EPB41L3: variants seen among roughly 807,000 people sequenced by gnomAD.
The protein encoded by EPB41L3 is band 4.1-like protein 3.
Under a neutral mutation model 127.1 loss-of-function variants are expected in EPB41L3, and 57 were observed. The ratio of observed to expected loss-of-function variants is 0.45; its 90% confidence interval spans 0.36 to 0.56. The LOEUF is 0.56. Among genes scored for constraint, EPB41L3 ranks in the 20% least tolerant of loss-of-function variants. The probability of loss-of-function intolerance (pLI) is 0.00; values close to 1 mark genes in which losing one functional copy is unlikely to be tolerated. For missense variants in EPB41L3, 1,273 were observed against 1,372.2 expected (o/e 0.93, Z 1.14); for synonymous variants, 572 against 549.5 (o/e 1.04, Z -0.57).
intron 3 of EPB41L3, among the ~76,000 whole-genome samples, chr18:5,569,612 ACT>A (rs1293485945): frequency 6.6e-6 from 1 of 151,746 alleles, no homozygotes; most frequent in Non-Finnish European, 1.5e-5. Flanking sequence ...TAGAGGCATG[ACT>A]CTCTCTTACA....
chr18:5,590,794 T>C (rs2094478741), intron 3 of EPB41L3, among the ~76,000 whole-genome samples: 1 of 152,150 alleles, frequency 6.6e-6, no homozygotes, highest in African/African-American at 2.4e-5. Context: ...ATGAAAGAAG[T>C]CAGTCTCATA....
intron 12 of EPB41L3, among the ~76,000 whole-genome samples, chr18:5,418,960 C>T (rs962722801): frequency 5.9e-5 from 9 of 152,134 alleles, no homozygotes; most frequent in African/African-American, 2.2e-4. Flanking sequence ...CCAGGAGCCA[C>T]TCTGTTTTTC....
intron 1 of EPB41L3, among the ~76,000 whole-genome samples, chr18:5,526,973 A>AT (rs1317800632): frequency 6.6e-6 from 1 of 151,246 alleles, no homozygotes; most frequent in Non-Finnish European, 1.5e-5. Context: ...AGTACGAATT[A>AT]TTTTCCAAAT....
chr18:5,503,158 T>A (rs545962219), intron 1 of EPB41L3, among the ~76,000 whole-genome samples: 6 of 152,216 alleles, frequency 3.9e-5, no homozygotes, highest in Middle Eastern at 3.2e-3. Context: ...TCACTTTTTT[T>A]AAAATACTCT....
At chr18:5,411,393 C>T (rs2076175485) in intron 13 of EPB41L3, among the ~76,000 whole-genome samples, 1 of 151,984 alleles carries the variant, frequency 6.6e-6, no homozygotes, top group Non-Finnish European at 1.5e-5. Context: ...AAACAATAGA[C>T]AGAGAAAGAG....
intron 1 of EPB41L3, among the ~76,000 whole-genome samples, chr18:5,490,621 G>T (rs562670190): frequency 1.6e-3 from 248 of 152,254 alleles, no homozygotes; most frequent in Non-Finnish European, 2.2e-3. Flanking sequence ...TACAGAGAAA[G>T]GTAGTGATGC....
chr18:5,537,913 C>T (rs1326873329), intron 1 of EPB41L3, among the ~76,000 whole-genome samples: 1 of 152,124 alleles, frequency 6.6e-6, no homozygotes, highest in Non-Finnish European at 1.5e-5. Context: ...ATCACTGATA[C>T]ACAGAATGGA....
intron 1 of EPB41L3, among the ~76,000 whole-genome samples, chr18:5,624,168 A>T (rs1020282060): frequency 1.3e-5 from 2 of 152,080 alleles, no homozygotes; most frequent in African/African-American, 4.8e-5. Context: ...ATGCCTGGCT[A>T]ATTTTTAATT....
Position 5,478,310 on chromosome 18 carries a change from G to C in EPB41L3, c.312C>G (p.Val104=), listed in dbSNP as rs1461530574. 6.2e-7 allele frequency: 1 copy of C among 1,614,036 alleles called. No homozygotes were observed. The highest frequency in any genetic ancestry group is 1.7e-5 in the Admixed American group (1 of 60,024). Residue 104 remains valine, a synonymous_variant, in exon 3 of 23, where the codon GTC becomes GTG. Coordinates refer to ENST00000341928, the MANE Select transcript of EPB41L3 (RefSeq NM_012307.5). ...SKLSRSPLKI[V]KKPKSMQCKV... ...TGCACTGCATGCTTTTAGGCTTTTT[G>C]ACAATCTTTAATGGAGACCGAGAGA...
chr18:5,625,221 C>A lies in EPB41L3; in HGVS notation c.-468+3701G>T, dbSNP rs1012878809. The stretch of plus-strand genomic sequence containing the variant: ...AAAGGAGCACTGTAAAAGAACTGAA[C>A]TGGAAGCAGAAGTTAGGAAGGCAGA... On this transcript the variant is annotated intron_variant, in intron 1 of 21. Transcript: ENST00000545076. Among the ~76,000 whole-genome samples the A allele has an allele frequency of 3.9e-5, 6 of 151,924 alleles. 1 individual carries two copies. The highest frequency in any genetic ancestry group is 3.9e-4 in the Admixed American group (6 of 15,262).
chr18:5,603,846 A>G (rs1162320152), intron 3 of EPB41L3, among the ~76,000 whole-genome samples: 1 of 152,202 alleles, frequency 6.6e-6, no homozygotes, highest in Non-Finnish European at 1.5e-5. Flanking sequence ...AGCCTGGGTA[A>G]CAAAGTGAGG....
chr18:5,445,095 G>T, intron 4 of EPB41L3, 45 bp downstream of exon 4: 1 of 1,428,322 alleles, frequency 7.0e-7, no homozygotes, highest in South Asian at 1.2e-5. Flanking sequence ...TGGCAGTAAT[G>T]AGCAGTTCAA....
chr18:5,605,067 C>A (rs2094635186), intron 3 of EPB41L3, among the ~76,000 whole-genome samples: 1 of 152,106 alleles, frequency 6.6e-6, no homozygotes, highest in African/African-American at 2.4e-5. Context: ...GGCCAACATC[C>A]AAAATGACTA....
At chr18:5,550,057 G>T (rs1364535524) in intron 3 of EPB41L3, among the ~76,000 whole-genome samples, 1 of 152,168 alleles carries the variant, frequency 6.6e-6, no homozygotes, top group Non-Finnish European at 1.5e-5. Context: ...TGGATTAGAT[G>T]CCTATTTATT....
intron 3 of EPB41L3, among the ~76,000 whole-genome samples, chr18:5,608,293 C>G (rs1054689933): frequency 6.6e-6 from 1 of 152,010 alleles, no homozygotes; most frequent in African/African-American, 2.4e-5. Context: ...GAAAGCAATC[C>G]CTTACTGACC....
chr18:5,540,382 A>C (rs2093685954), intron 1 of EPB41L3: 1 of 985,440 alleles, frequency 1.0e-6, no homozygotes, highest in Non-Finnish European at 1.2e-6. Flanking sequence ...TCATTGATTG[A>C]TCAGGCAAAG....
intron 1 of EPB41L3, among the ~76,000 whole-genome samples, chr18:5,499,970 G>A (rs796198842): frequency 5.9e-5 from 9 of 152,030 alleles, no homozygotes; most frequent in South Asian, 2.1e-4. Context: ...AACGCTCACT[G>A]TTGTTTCTAC....
In EPB41L3 at chr18:5,400,365, G is replaced by A. The variant is rs1229256559; in HGVS notation, c.2350-2222C>T. On this transcript the variant is annotated intron_variant, in intron 16 of 22. Transcript: ENST00000341928. ...CCTGGTTTACATTTTAAACTAGAATGTTTTCTAGAAACTTTTCTGTTTTTT... is the reference window on the plus strand; with the variant it reads ...CCTGGTTTACATTTTAAACTAGAATATTTTCTAGAAACTTTTCTGTTTTTT... The A allele has an allele frequency of 1.4e-5, 5 of 353,754 alleles. No homozygotes were observed. In the East Asian group the frequency reaches 3.9e-4, roughly 27 times the overall value. 21.9% of individuals were successfully genotyped at this position (353,754 alleles called of 1,614,324 possible). A position where few individuals can be genotyped will look rare whatever the true frequency, so the allele number is the denominator to read the frequency against.
Position 5,397,053 on chromosome 18 carries a change from G to A in EPB41L3, c.2841+5C>T. ...GTGATAAAAGTAACATTTACTACTA[G>A]TTACCTCAAAATGAGGTTTTTGTTC... On this transcript the variant is annotated splice_donor_5th_base_variant and intron_variant, in intron 18 of 22. Transcript: ENST00000341928. This position sits in a 1 kb window ranked among gnomAD's most constrained non-coding sequence, Gnocchi z 4.1. The A allele has an allele frequency of 1.9e-6, 3 of 1,585,784 alleles. No homozygotes were observed. The South Asian group carries it at 3.5e-5, about 18-fold the overall frequency.
Sources: allele counts gnomAD v4.1 joint callset (sites outside exome capture counted in the v4.1 genomes callset), GRCh38; gene constraint gnomAD v4.1.1; non-coding constraint Gnocchi (gnomAD v3.1); transcripts MANE v1.5; gene names NCBI Gene and HGNC (gene_info 2026-07-23, HGNC 2026-07-21).